ETV7: variants seen among roughly 807,000 people sequenced by gnomAD.
ETV7 encodes the protein transcription factor ETV7.
In ETV7, 43 loss-of-function variants were observed where a neutral mutation model predicts 39.1. That is an observed-to-expected ratio of 1.10 (90% confidence interval 0.86 to 1.42). The LOEUF is 1.42. Among genes scored for constraint, ETV7 ranks in the 40% most tolerant of loss-of-function variants. ETV7 has a pLI of 0.00. For missense variants in ETV7, 432 were observed against 442.3 expected (o/e 0.98, Z 0.21); for synonymous variants, 196 against 176.6 (o/e 1.11, Z -0.87).
chr6:36,356,404 T>C (rs1772344415), intron 7 of ETV7, among the ~76,000 whole-genome samples: 2 of 151,996 alleles, frequency 1.3e-5, no homozygotes, highest in African/African-American at 4.8e-5. Context: ...TATCAATTTT[T>C]TAAAAAGAAT....
rs78143936 is a variant in ETV7 at position 36,358,976 on chromosome 6, C to T, written c.909-4289G>A. Among the ~76,000 whole-genome samples the T allele has an allele frequency of 6.6e-3, 1,009 of 152,290 alleles. 15 individuals carry two copies. The highest frequency in any genetic ancestry group is 0.022 in the African/African-American group (923 of 41,558). On this transcript the variant is annotated intron_variant, in intron 7 of 7. Transcript: ENST00000339796. The stretch of plus-strand genomic sequence containing the variant: ...GTCTATTCAGGAGACTTTGTGATCT[C>T]GGTCTTAGCTGATGGCTCCCCCAAA...
At chr6:36,369,576 T>G (rs1019517270) in intron 5 of ETV7, among the ~76,000 whole-genome samples, 4 of 152,198 alleles carry the variant, frequency 2.6e-5, no homozygotes, top group Non-Finnish European at 5.9e-5. Flanking sequence ...GGAGGGCAAG[T>G]GGGCATCCGG....
chr6:36,377,774 C>G (rs1773449695), intron 2 of ETV7, among the ~76,000 whole-genome samples: 2 of 152,286 alleles, frequency 1.3e-5, no homozygotes, highest in South Asian at 4.1e-4. Flanking sequence ...CGGCACAGAA[C>G]CAGGCTGGCA....
chr6:36,364,387 G>T (rs1484191355), downstream of ETV7, among the ~76,000 whole-genome samples: 1 of 152,260 alleles, frequency 6.6e-6, no homozygotes, highest in African/African-American at 2.4e-5. Flanking sequence ...CAGGAAGGCA[G>T]CTAAGGCCCG....
At chr6:36,355,613 A>G (rs539568819) in intron 7 of ETV7, among the ~76,000 whole-genome samples, 1 of 152,362 alleles carries the variant, frequency 6.6e-6, no homozygotes, top group African/African-American at 2.4e-5. Context: ...GGGTTTCACC[A>G]TGTTGGCCAG....
At chr6:36,361,205 G>A (rs1175516649), downstream of ETV7, among the ~76,000 whole-genome samples, 6 of 152,222 alleles carry the variant, frequency 3.9e-5, no homozygotes, top group African/African-American at 1.4e-4. Flanking sequence ...TTCTGGGGCT[G>A]TCCCATTGGT....
At chr6:36,387,037 CTGAT>C (rs1773940043) in intron 1 of ETV7, 1 of 186,914 alleles carries the variant, frequency 5.4e-6, no homozygotes, top group African/African-American at 2.4e-5. Context: ...AGGGAAGGGT[CTGAT>C]AATGGGTATG....
chr6:36,363,230 T>A (rs563918020), downstream of ETV7, among the ~76,000 whole-genome samples: 1 of 152,224 alleles, frequency 6.6e-6, no homozygotes, highest in African/African-American at 2.4e-5. Flanking sequence ...GTGGCGCATC[T>A]GGAGTTTGTT....
Position 36,373,495 on chromosome 6 carries a change from T to G in ETV7, c.391A>C (p.Arg131=). The G allele has an allele frequency of 9.5e-6, 15 of 1,576,148 alleles. No homozygotes were observed. Among genetic ancestry groups the G allele is most frequent in the Non-Finnish European group, 1.3e-5 (15 of 1,162,816 alleles). Reference sequence around the variant, plus strand: ...GAGTGCTGGGTGGGCGTCTTCAGCCTGAAGATCCCTCCAAAAAAGGGCCCA... The same window carrying G: ...GAGTGCTGGGTGGGCGTCTTCAGCCGGAAGATCCCTCCAAAAAAGGGCCCA... The part of the protein sequence containing the change: ...VCGPFFGGIF[R]LKTPTQHSPV... Residue 131 remains arginine, a synonymous_variant, in exon 4 of 8, where the codon AGG becomes CGG. Coordinates refer to ENST00000340181, the MANE Select transcript of ETV7 (RefSeq NM_016135.4).
chr6:36,385,798 T>A, intron 1 of ETV7, 129 bp from the exon 2 acceptor site: 1 of 962,818 alleles, frequency 1.0e-6, no homozygotes, highest in Non-Finnish European at 1.5e-6. Flanking sequence ...GCATCAACCT[T>A]AAAGGTAGGA....
chr6:36,371,424 G>A lies in ETV7; in HGVS notation c.570C>T (p.Leu190=). Residue 190 remains leucine, a synonymous_variant, in exon 5 of 8, where the codon CTC becomes CTT. Coordinates refer to ENST00000340181, the MANE Select transcript of ETV7 (RefSeq NM_016135.4). ...ARWTPGKEES[L]NLCHCAELGC... ...CGAGCTCTGCACAGTGACATAAGTT[G>A]AGGGACTCCTCCTTGCCAGGGGTCC... 6.2e-7 allele frequency: 1 copy of A among 1,602,736 alleles called. No homozygotes were observed. Among genetic ancestry groups the A allele is most frequent in the Non-Finnish European group, 8.5e-7 (1 of 1,174,070 alleles).
At chr6:36,367,014 A>G in intron 6 of ETV7, 39 bp from the exon 7 acceptor site, 1 of 1,477,998 alleles carries the variant, frequency 6.8e-7, no homozygotes, top group African/African-American at 1.4e-5. Flanking sequence ...CCCACTCCCC[A>G]TGTCCTGCTC....
chr6:36,359,451 CAAAAAAA>C (rs201987326), intron 7 of ETV7, among the ~76,000 whole-genome samples: 6 of 118,110 alleles, frequency 5.1e-5, no homozygotes, highest in Admixed American at 1.8e-4. Context: ...AACTCAGTCT[CAAAAAAA>C]AAAAGAAAAA....
At chr6:36,387,105 C>A (rs1773944632) in intron 1 of ETV7, among the ~76,000 whole-genome samples, 1 of 152,010 alleles carries the variant, frequency 6.6e-6, no homozygotes, top group Non-Finnish European at 1.5e-5. Context: ...GGGGCGCCAG[C>A]TCTGGGGGCA....
intron 2 of ETV7, among the ~76,000 whole-genome samples, chr6:36,381,573 T>C (rs1561915937): frequency 6.6e-6 from 1 of 152,196 alleles, no homozygotes; most frequent in Non-Finnish European, 1.5e-5. Context: ...CCATGATGAC[T>C]ACGTTTTATC....
At chr6:36,378,695 G>A (rs1310962643) in intron 2 of ETV7, among the ~76,000 whole-genome samples, 1 of 152,054 alleles carries the variant, frequency 6.6e-6, no homozygotes, top group African/African-American at 2.4e-5. Context: ...TGACTCTTTG[G>A]GACTGATAAT....
intron 7 of ETV7, among the ~76,000 whole-genome samples, chr6:36,360,628 T>C (rs531189707): frequency 1.2e-4 from 18 of 152,218 alleles, no homozygotes; most frequent in Non-Finnish European, 2.2e-4. Context: ...GAACATTCAG[T>C]CAGCCACCGC....
chr6:36,372,724 T>G (rs1773094063), intron 4 of ETV7, among the ~76,000 whole-genome samples: 1 of 139,766 alleles, frequency 7.2e-6, no homozygotes, highest in Non-Finnish European at 1.5e-5. Context: ...GGGCAGGATA[T>G]CAGGCATTTG....
intron 7 of ETV7, among the ~76,000 whole-genome samples, chr6:36,357,021 G>C (rs1772359598): frequency 6.6e-6 from 1 of 152,184 alleles, no homozygotes; most frequent in African/African-American, 2.4e-5. Context: ...ATGGGAAGTT[G>C]GGAGAAGATA....
Sources: allele counts gnomAD v4.1 joint callset (sites outside exome capture counted in the v4.1 genomes callset), GRCh38; gene constraint gnomAD v4.1.1; transcripts MANE v1.5; gene names NCBI Gene and HGNC (gene_info 2026-07-23, HGNC 2026-07-21).